Variants in POLR1D observed in about 807,000 individuals in gnomAD.
The protein encoded by POLR1D is RNA polymerase I and III subunit D.
Under a neutral mutation model 10.8 loss-of-function variants are expected in POLR1D, and 8 were observed. The ratio of observed to expected loss-of-function variants is 0.74; its 90% confidence interval spans 0.43 to 1.33. POLR1D has a LOEUF of 1.33. POLR1D is among the 40% of genes most tolerant of loss of function. The pLI, the probability that POLR1D is intolerant of heterozygous loss-of-function variation, is 0.01. For missense variants in POLR1D, 152 were observed against 161.7 expected, an observed-to-expected ratio of 0.94 and a Z score of 0.32; for synonymous variants, 54 against 57.2, an observed-to-expected ratio of 0.94 and a Z score of 0.25.
intron 1 of POLR1D, among the ~76,000 whole-genome samples, chr13:27,638,392 G>A (rs1327394315): frequency 6.6e-6 from 1 of 152,182 alleles, no homozygotes; most frequent in Non-Finnish European, 1.5e-5. Flanking sequence ...TTCAGATGAT[G>A]ACAGGTAAAT....
Position 27,622,966 on chromosome 13 carries a change from G to A in POLR1D, c.118G>A (p.Val40Met). The A allele has an allele frequency of 6.2e-7, 1 of 1,613,930 alleles. No individual in the cohort carries two copies. The highest frequency in any genetic ancestry group is 8.5e-7 in the Non-Finnish European group (1 of 1,179,794). ...GGCAGCTGGAACAGATAGACACTGT[G>A]TGACATTTGTATTGCACGAGGAAGA... ...VQAAGTDRHC[V>M]TFVLHEEDHT... Residue 40 changes from valine (V) to methionine (M), a missense_variant, in exon 2 of 2, where the codon GTG (valine) becomes ATG (methionine). By Grantham distance (21) the Val-to-Met change is conservative. Transcript: ENST00000302979.
intron 2 of POLR1D, among the ~76,000 whole-genome samples, chr13:27,657,626 T>TTTTG (rs550975893): frequency 6.6e-6 from 1 of 152,166 alleles, no homozygotes; most frequent in Non-Finnish European, 1.5e-5. Flanking sequence ...CCTACAGGTT[T>TTTTG]TTTGTTTGTT....
intron 2 of POLR1D, among the ~76,000 whole-genome samples, chr13:27,659,808 T>A (rs1461242140): frequency 6.6e-6 from 1 of 152,052 alleles, no homozygotes; most frequent in Admixed American, 6.5e-5. Flanking sequence ...CTACCTTCTG[T>A]TCCTCTTGGT....
chr13:27,642,694 G>A (rs187808942), intron 1 of POLR1D, among the ~76,000 whole-genome samples: 44 of 152,232 alleles, frequency 2.9e-4, no homozygotes, highest in East Asian at 7.7e-4. Flanking sequence ...GACAAGTTCC[G>A]AGACCTTTAG....
intron 1 of POLR1D, among the ~76,000 whole-genome samples, chr13:27,637,111 T>C (rs939728674): frequency 4.6e-5 from 7 of 152,238 alleles, no homozygotes; most frequent in African/African-American, 1.7e-4. Flanking sequence ...TGGTTTCTGA[T>C]GCCAGAATCA....
chr13:27,660,537 TC>T (rs1414517330), intron 2 of POLR1D, among the ~76,000 whole-genome samples: 2 of 152,214 alleles, frequency 1.3e-5, no homozygotes, highest in Non-Finnish European at 2.9e-5. Flanking sequence ...TAAGGGACTC[TC>T]CACCTTTGTC....
chr13:27,652,943 G>A (rs1287492272), intron 2 of POLR1D, among the ~76,000 whole-genome samples: 4 of 111,218 alleles, frequency 3.6e-5, no homozygotes, highest in Admixed American at 1.0e-4. Flanking sequence ...TTTTTGAGAC[G>A]GAGTCTTGCT....
chr13:27,651,503 G>A (rs1223665440), intron 2 of POLR1D: 1 of 152,018 alleles, frequency 6.6e-6, no homozygotes, highest in Non-Finnish European at 1.5e-5. Context: ...TTTTAGAAAT[G>A]TATTCTGATA....
At position 27,622,869 on chromosome 13, in the gene POLR1D, G is replaced by A. The variant is rs1264275502; in HGVS notation, c.27-6G>A. On this transcript the variant is annotated splice_polypyrimidine_tract_variant and splice_region_variant and intron_variant, in intron 1 of 1. Coordinates refer to ENST00000302979, the MANE Select transcript of POLR1D (RefSeq NM_015972.4). ...GATCTCATTTTTATAAAAAATATGTGTGTAGAAAAATATCTGGATTGAAGA... is the reference window on the plus strand; with the variant it reads ...GATCTCATTTTTATAAAAAATATGTATGTAGAAAAATATCTGGATTGAAGA... The A allele has an allele frequency of 1.3e-6, 2 of 1,585,504 alleles. No homozygotes were observed. Among genetic ancestry groups the A allele is most frequent in the African/African-American group, 1.3e-5 (1 of 74,508 alleles).
chr13:27,665,504 G>A (rs1371132553), intron 2 of POLR1D: 13 of 624,836 alleles, frequency 2.1e-5, no homozygotes, highest in Admixed American at 1.4e-4. Flanking sequence ...AATTCCAATC[G>A]TCTTTTTTTT....
chr13:27,642,280 A>G (rs1956181495), intron 1 of POLR1D, among the ~76,000 whole-genome samples: 1 of 152,158 alleles, frequency 6.6e-6, no homozygotes, highest in African/African-American at 2.4e-5. Flanking sequence ...CTGACAGGAA[A>G]TATTCCAGCT....
Position 27,663,865 on chromosome 13 carries a change from T to C in POLR1D, c.102-1821T>C, listed in dbSNP as rs1277656284. On this transcript the variant is annotated intron_variant, in intron 2 of 2. Coordinates refer to the POLR1D transcript ENST00000399697. The surrounding 1 kb of genome is among the most constrained non-coding windows in gnomAD (Gnocchi z 4.1). ...TAGCCCTATATATCCAAGAGACATA[T>C]GTAGTTCATTTGTCTATAAAAAAGA... Among the ~76,000 whole-genome samples, 1 of 152,164 alleles carries C rather than the reference T, an allele frequency of 6.6e-6. No homozygotes were observed. Among genetic ancestry groups the C allele is most frequent in the Non-Finnish European group, 1.5e-5 (1 of 68,024 alleles).
chr13:27,641,924 C>T (rs528456025), intron 1 of POLR1D, among the ~76,000 whole-genome samples: 1 of 152,284 alleles, frequency 6.6e-6, no homozygotes, highest in South Asian at 2.1e-4. Context: ...TCTGGACTGT[C>T]AGAGCCAAGG....
At chr13:27,623,644 C>T (rs1955976740), downstream of POLR1D, among the ~76,000 whole-genome samples, 1 of 131,084 alleles carries the variant, frequency 7.6e-6, no homozygotes, top group African/African-American at 2.8e-5. Context: ...AGACAAAAAC[C>T]ATGACCCCAG....
chr13:27,662,368 C>CCT (rs201142236), intron 2 of POLR1D, among the ~76,000 whole-genome samples: 22 of 151,980 alleles, frequency 1.4e-4, no homozygotes, highest in African/African-American at 4.8e-4. Flanking sequence ...AGACACCCCC[C>CCT]CCACCACTAC....
chr13:27,658,436 G>T (rs1956328530), intron 2 of POLR1D, among the ~76,000 whole-genome samples: 1 of 152,184 alleles, frequency 6.6e-6, no homozygotes, highest in Non-Finnish European at 1.5e-5. Flanking sequence ...GTTCTTAAAA[G>T]AGTAGCAATC....
rs183534887 is a variant in POLR1D at position 27,652,663 on chromosome 13, A to T, written c.101+4210A>T. ...AGGTGGGCGGATCACTTGAGTCAGG[A>T]GTTTGAGACCAGCCTCGCCAACATG... On this transcript the variant is annotated intron_variant, in intron 2 of 2. Coordinates refer to the POLR1D transcript ENST00000399697. Among the ~76,000 whole-genome samples, 524 of 151,896 alleles carry T rather than the reference A, an allele frequency of 3.4e-3. 2 individuals are homozygous for T. Among genetic ancestry groups the T allele is most frequent in the African/African-American group, 0.012 (503 of 41,454 alleles).
chr13:27,651,855 G>A (rs186849846), intron 2 of POLR1D, among the ~76,000 whole-genome samples: 4 of 152,286 alleles, frequency 2.6e-5, no homozygotes, highest in African/African-American at 9.6e-5. Context: ...AAAAGTGGGA[G>A]GATGATAGTG....
intron 2 of POLR1D, chr13:27,665,501 A>G (rs930098227): frequency 3.0e-5 from 19 of 623,274 alleles, no homozygotes; most frequent in African/African-American, 9.2e-5. Flanking sequence ...AAGAATTCCA[A>G]TCGTCTTTTT....
Sources: allele counts gnomAD v4.1 joint callset (sites outside exome capture counted in the v4.1 genomes callset), GRCh38; gene constraint gnomAD v4.1.1; non-coding constraint Gnocchi (gnomAD v3.1); transcripts MANE v1.5; gene names NCBI Gene and HGNC (gene_info 2026-07-23, HGNC 2026-07-21).